The following MAP3K4 variants were observed in gnomAD, a reference collection of about 807,000 sequenced individuals.
MAP3K4 encodes the protein mitogen-activated protein kinase kinase kinase 4.
MAP3K4 carries 67 observed loss-of-function variants against 185.6 expected under a neutral mutation model. The observed-to-expected ratio is 0.36, with a 90% CI of 0.30 to 0.44. The LOEUF is 0.44. MAP3K4 is among the 20% of genes least tolerant of loss of function. MAP3K4 has a pLI of 1.00. For synonymous variants in MAP3K4, 702 were observed against 710.4 expected (o/e 0.99, Z 0.19); for missense variants, 1,551 against 1,995.1 (o/e 0.78, Z 4.24).
rs1785258755 is a variant in MAP3K4, at chr6:161,077,949, A to G, written c.2098-2932A>G. ...AGACTTCTGGAGGAGATGGGTCTCAAACTCAAAGCACAAGCTTTGGGATTA... is the reference window on the plus strand; with the variant it reads ...AGACTTCTGGAGGAGATGGGTCTCAGACTCAAAGCACAAGCTTTGGGATTA... On this transcript the variant is annotated intron_variant, in intron 5 of 26. Transcript: ENST00000392142. This position sits in a 1 kb window ranked among gnomAD's most constrained non-coding sequence, Gnocchi z 4.3. 6.6e-6 allele frequency among the ~76,000 whole-genome samples: 1 copy of G among 152,244 alleles called. No individual in the cohort carries two copies. The highest frequency in any genetic ancestry group is 1.9e-4 in the East Asian group (1 of 5,192).
Position 161,049,056 on chromosome 6 carries a change from G to A in MAP3K4, c.784G>A (p.Glu262Lys). 1 of 1,613,860 alleles carries A rather than the reference G, an allele frequency of 6.2e-7. No homozygotes were observed. Among genetic ancestry groups the A allele is most frequent in the Non-Finnish European group, 8.5e-7 (1 of 1,179,752 alleles). ...TSGFWLNRSN[E>K]LIWLELQAWH... ...TGGTTTCTGGCTTAACCGATCTAAC[G>A]AACTGATCTGGTTAGAGCTACAAGC... Residue 262 changes from glutamate (E) to lysine (K), a missense_variant, in exon 3 of 27, where the codon GAA becomes AAA. This residue lies in a region of MAP3K4 where 69 missense variants were observed against 124.8 expected (regional missense o/e 0.55). Transcript: ENST00000392142. The surrounding 1 kb of genome is among the most constrained non-coding windows in gnomAD (Gnocchi z 8.4).
Position 161,080,348 on chromosome 6 carries a change from A to G in MAP3K4, c.2098-533A>G, listed in dbSNP as rs1785390326. Among the ~76,000 whole-genome samples, 1 of 152,190 alleles carries G rather than the reference A, an allele frequency of 6.6e-6. No individual in the cohort carries two copies. Among genetic ancestry groups the G allele is most frequent in the Non-Finnish European group, 1.5e-5 (1 of 68,028 alleles). ...AGGACTTGTGGTGGGCATAAATCCC[A>G]CTTCAGAACAACTGGATATTTTGGT... is the stretch of plus-strand genomic sequence containing the variant. On this transcript the variant is annotated intron_variant, in intron 5 of 26. Coordinates refer to ENST00000392142, the MANE Select transcript of MAP3K4 (RefSeq NM_005922.4). The surrounding 1 kb of genome is among the most constrained non-coding windows in gnomAD (Gnocchi z 4.8).
Position 161,087,469 on chromosome 6 carries a change from CTCTG to C in MAP3K4, c.2557-217_2557-214del, listed in dbSNP as rs1323526188. On this transcript the variant is annotated intron_variant, in intron 9 of 26. Transcript: ENST00000392142. The surrounding 1 kb of genome is among the most constrained non-coding windows in gnomAD (Gnocchi z 4.9). ...GGAGGATGTCCAATAATCGGGGAGA[CTCTG>C]TAAGGCCTCTCCTCCAGTGCGTTCA... is the stretch of plus-strand genomic sequence containing the variant. Among the ~76,000 whole-genome samples, 7 of 152,090 alleles carry C rather than the reference CTCTG, an allele frequency of 4.6e-5. No homozygotes were observed. The highest frequency in any genetic ancestry group is 1.7e-4 in the African/African-American group (7 of 41,414).
rs1437929335 is a variant in MAP3K4, at chr6:161,056,242, G to A, written c.1707+6263G>A. ...CTGGGCTTGTCTTGTATTTTCCCTCGTTCTGTCCTAGGATCAGCCATTTCT... is the reference window on the plus strand; with the variant it reads ...CTGGGCTTGTCTTGTATTTTCCCTCATTCTGTCCTAGGATCAGCCATTTCT... On this transcript the variant is annotated intron_variant, in intron 3 of 26. Transcript: ENST00000392142. This position sits in a 1 kb window ranked among gnomAD's most constrained non-coding sequence, Gnocchi z 5.4. 1.3e-5 allele frequency among the ~76,000 whole-genome samples: 2 copies of A among 151,880 alleles called. No homozygotes were observed. Among genetic ancestry groups the A allele is most frequent in the South Asian group, 2.1e-4 (1 of 4,810 alleles).
chr6:161,018,968 G>T (rs573422461), intron 1 of MAP3K4, among the ~76,000 whole-genome samples: 2 of 152,318 alleles, frequency 1.3e-5, no homozygotes, highest in Admixed American at 1.3e-4. Flanking sequence ...TGAATTTAGG[G>T]ATATAGCAGT....
chr6:161,097,781 G>GT lies in MAP3K4; in HGVS notation c.3525-487dup, dbSNP rs11458275. Among the ~76,000 whole-genome samples, 109,767 of 150,038 alleles carry GT rather than the reference G, an allele frequency of 0.73. 41,529 individuals carry two copies. The highest frequency in any genetic ancestry group is 0.97 in the East Asian group (4,944 of 5,114). Reference sequence around the variant, plus strand: ...TGCTAGATAAGGACCACAGTTTTTTGTTTTTTTTTTAAAGCTTTGAGGGGA... The same window carrying GT: ...TGCTAGATAAGGACCACAGTTTTTTGTTTTTTTTTTTAAAGCTTTGAGGGGA... On this transcript the variant is annotated intron_variant, in intron 16 of 26. Transcript: ENST00000392142. The surrounding 1 kb of genome is among the most constrained non-coding windows in gnomAD (Gnocchi z 4.9).
rs1277108762 is a variant in MAP3K4 at position 161,097,779 on chromosome 6, T to G, written c.3525-499T>G. On this transcript the variant is annotated intron_variant, in intron 16 of 26. Transcript: ENST00000392142. The surrounding 1 kb of genome is among the most constrained non-coding windows in gnomAD (Gnocchi z 4.9). ...TTTGCTAGATAAGGACCACAGTTTT[T>G]TGTTTTTTTTTTAAAGCTTTGAGGG... is the stretch of plus-strand genomic sequence containing the variant. Among the ~76,000 whole-genome samples, 1 of 68,212 alleles carries G rather than the reference T, an allele frequency of 1.5e-5. No homozygotes were observed. The highest frequency in any genetic ancestry group is 4.0e-5 in the Non-Finnish European group (1 of 25,124). 44.7% of individuals were successfully genotyped at this position (68,212 alleles called of 152,430 possible).
chr6:161,066,356 T>TA (rs1416519659), intron 3 of MAP3K4, among the ~76,000 whole-genome samples: 1 of 152,156 alleles, frequency 6.6e-6, no homozygotes, highest in African/African-American at 2.4e-5. Flanking sequence ...TTAGAGCCGC[T>TA]AGATCTGACT....
chr6:161,086,461 G>A lies in MAP3K4; in HGVS notation c.2455G>A (p.Ala819Thr). Residue 819 changes from alanine to threonine, a missense_variant, in exon 8 of 27, where the codon GCT (alanine) becomes ACT (threonine). This residue lies in a region of MAP3K4 where 6 missense variants were observed against 24.9 expected (regional missense o/e 0.24). Transcript: ENST00000392142. The surrounding 1 kb of genome is among the most constrained non-coding windows in gnomAD (Gnocchi z 4.8). ...RERASKALGF[A>T]KMLRKDLEIA... ...AAGGGCTTCCAAAGCACTTGGATTT[G>A]CTAAAATGTTGAGAAAGGTGAGCTT... 1.2e-6 allele frequency: 2 copies of A among 1,613,980 alleles called. No individual in the cohort carries two copies. The highest frequency in any genetic ancestry group is 2.2e-5 in the South Asian group (2 of 91,060).
At position 161,049,389 on chromosome 6, in the gene MAP3K4, G is replaced by A. The variant is rs748381117; in HGVS notation, c.1117G>A (p.Ala373Thr). The A allele has an allele frequency of 3.7e-6, 6 of 1,614,036 alleles. No individual in the cohort carries two copies. In the East Asian group the frequency reaches 1.3e-4, roughly 36 times the overall value. Residue 373 changes from alanine to threonine, a missense_variant, in exon 3 of 27, where the codon GCT (alanine) becomes ACT (threonine). Transcript: ENST00000392142. The surrounding 1 kb of genome is among the most constrained non-coding windows in gnomAD (Gnocchi z 8.4). ...YIEALYPSLQ[A>T]LQKDYEKYAA... The stretch of plus-strand genomic sequence containing the variant: ...AGAAGCACTTTATCCATCATTGCAG[G>A]CTCTTCAGAAGGACTATGAAAAATA...
intron 1 of MAP3K4, among the ~76,000 whole-genome samples, chr6:161,001,962 T>C (rs1052940694): frequency 6.6e-6 from 1 of 151,886 alleles, no homozygotes; most frequent in African/African-American, 2.4e-5. Context: ...GCATTGAGGC[T>C]GGATACTTTT....
intron 18 of MAP3K4, 122 bp from the exon 19 acceptor site, chr6:161,102,577 T>C (rs1777883516): frequency 4.8e-6 from 3 of 619,902 alleles, no homozygotes; most frequent in South Asian, 4.9e-5. Flanking sequence ...TCAAACACAC[T>C]AAAAATTAAT....
intron 1 of MAP3K4, among the ~76,000 whole-genome samples, chr6:161,021,153 TTAGA>T (rs1466259967): frequency 6.6e-6 from 1 of 152,234 alleles, no homozygotes; most frequent in Non-Finnish European, 1.5e-5. Flanking sequence ...TTATTACCTC[TTAGA>T]TAGCAACTTG....
rs1397421643 is a variant in MAP3K4 at position 161,070,708 on chromosome 6, A to G, written c.1808A>G (p.Glu603Gly). 1 of 1,613,966 alleles carries G rather than the reference A, an allele frequency of 6.2e-7. No homozygotes were observed. The highest frequency in any genetic ancestry group is 2.2e-5 in the East Asian group (1 of 44,878). The change falls in exon 4 of 27, where the codon GAG becomes GGG. Residue 603 changes from glutamate (E) to glycine (G), a missense_variant. By Grantham distance (98) the Glu-to-Gly change is moderately conservative. Around this residue, in one of 16 missense-constraint regions of MAP3K4, gnomAD observed 86 missense variants for 81.6 expected, o/e 1.05. Coordinates refer to ENST00000392142, the MANE Select transcript of MAP3K4 (RefSeq NM_005922.4). The surrounding 1 kb of genome is among the most constrained non-coding windows in gnomAD (Gnocchi z 4.5). ...AAATGCAGTGCTGTGTCGTGGGAGG[A>G]GCTGAAGGCCATGGATTTACCTTCA... ...EEKCSAVSWE[E>G]LKAMDLPSFE...
rs1429392465 is a variant in MAP3K4, at chr6:161,070,333, A to G, written c.1708-275A>G. Among the ~76,000 whole-genome samples the G allele has an allele frequency of 6.6e-6, 1 of 152,066 alleles. No homozygotes were observed. The highest frequency in any genetic ancestry group is 1.5e-5 in the Non-Finnish European group (1 of 68,030). On this transcript the variant is annotated intron_variant, in intron 3 of 26. Coordinates refer to ENST00000392142, the MANE Select transcript of MAP3K4 (RefSeq NM_005922.4). The surrounding 1 kb of genome is among the most constrained non-coding windows in gnomAD (Gnocchi z 4.5). Reference sequence around the variant, plus strand: ...TGTGAGGCAAAAATGTTAAAGATGAACCTGATTCTTTTTCTAATATACTTC... The same window carrying G: ...TGTGAGGCAAAAATGTTAAAGATGAGCCTGATTCTTTTTCTAATATACTTC...
intron 3 of MAP3K4, among the ~76,000 whole-genome samples, chr6:161,058,610 T>C (rs1241730576): frequency 6.6e-6 from 1 of 152,228 alleles, no homozygotes; most frequent in Non-Finnish European, 1.5e-5. Context: ...TGGTTTATAT[T>C]TTCTAGAGTT....
rs1166068467 is a variant in MAP3K4 at position 161,071,377 on chromosome 6, CAG to C, written c.1950+530_1950+531del. Among the ~76,000 whole-genome samples, 1 of 152,080 alleles carries C rather than the reference CAG, an allele frequency of 6.6e-6. No homozygotes were observed. Among genetic ancestry groups the C allele is most frequent in the African/African-American group, 2.4e-5 (1 of 41,392 alleles). ...AATGGGTGGAAGCAGTTGTATCCAG[CAG>C]AGTGAGTGCTGAAGAGGGTCTGTAT... is the stretch of plus-strand genomic sequence containing the variant. On this transcript the variant is annotated intron_variant, in intron 4 of 26. Transcript: ENST00000392142. This position sits in a 1 kb window ranked among gnomAD's most constrained non-coding sequence, Gnocchi z 4.6.
In MAP3K4 at chr6:161,088,502, G is replaced by A. The variant is rs901138711; in HGVS notation, c.2823+548G>A. On this transcript the variant is annotated intron_variant, in intron 10 of 26. Coordinates refer to ENST00000392142, the MANE Select transcript of MAP3K4 (RefSeq NM_005922.4). This position sits in a 1 kb window ranked among gnomAD's most constrained non-coding sequence, Gnocchi z 4.5. ...GCCTCACCAGAACTGAGTATACACT[G>A]GCCTGCTGTATCCCTCACCCCAACA... Among the ~76,000 whole-genome samples the A allele has an allele frequency of 7.9e-5, 12 of 152,078 alleles. No homozygotes were observed. The highest frequency in any genetic ancestry group is 1.8e-4 in the Non-Finnish European group (12 of 68,018).
Position 161,004,748 on chromosome 6 carries a change from C to T in MAP3K4, c.152+12665C>T, listed in dbSNP as rs191676967. ...AAGTAAACATAAGTGGTAACATGATCGTCAAGAAACTTTCCTGAAGGAGAA... is the reference window on the plus strand; with the variant it reads ...AAGTAAACATAAGTGGTAACATGATTGTCAAGAAACTTTCCTGAAGGAGAA... On this transcript the variant is annotated intron_variant, in intron 1 of 26. Transcript: ENST00000392142. 1.8e-4 allele frequency among the ~76,000 whole-genome samples: 27 copies of T among 152,240 alleles called. 1 individual carries two copies. The East Asian group carries it at 4.8e-3, about 27-fold the overall frequency.
Sources: gnomAD v4.1 joint callset for allele counts (sites outside exome capture counted in the v4.1 genomes callset) on GRCh38, gnomAD v4.1.1 for gene constraint, gnomAD v4.1.1 regional missense constraint, Gnocchi (gnomAD v3.1) non-coding constraint, MANE v1.5 for transcripts, NCBI Gene and HGNC (gene_info 2026-07-23, HGNC 2026-07-21) for gene names.